SBF2: variants seen among roughly 807,000 people sequenced by gnomAD.
The protein encoded by SBF2 is SET binding factor 2, also known as myotubularin-related protein 13.
In SBF2, 112 loss-of-function variants were observed where a neutral mutation model predicts 225.2. The ratio of observed to expected loss-of-function variants is 0.50; its 90% CI spans 0.43 to 0.58. The LOEUF (loss-of-function observed/expected upper bound fraction) is 0.58. Among genes scored for constraint, SBF2 ranks in the 20% least tolerant of loss-of-function variants. The pLI is 0.00. For missense variants in SBF2, 1,996 were observed against 2,206.2 expected, an observed-to-expected ratio of 0.90 and a Z score of 1.91; for synonymous variants, 763 against 773.3, an observed-to-expected ratio of 0.99 and a Z score of 0.22.
At chr11:10,124,418 C>G (rs57520536) in intron 2 of SBF2, among the ~76,000 whole-genome samples, 11,581 of 152,066 alleles carry the variant, frequency 0.076, 626 homozygotes, top group East Asian at 0.28. Context: ...CAAAGGTTAC[C>G]GTTTTATAAC....
chr11:9,839,427 AT>A, intron 26 of SBF2, 70 bp downstream of exon 26: 2 of 1,428,060 alleles, frequency 1.4e-6, no homozygotes, highest in East Asian at 4.6e-5. Context: ...ATGGATGCAA[AT>A]GGCCTATTAA....
chr11:9,798,825 G>C (rs1329865439), intron 32 of SBF2, among the ~76,000 whole-genome samples: 4 of 151,516 alleles, frequency 2.6e-5, no homozygotes, highest in Non-Finnish European at 5.9e-5. Flanking sequence ...GGTGGCGGGC[G>C]CCTGTAGTCC....
At chr11:9,997,920 G>C (rs955336537) in intron 9 of SBF2, among the ~76,000 whole-genome samples, 3 of 152,236 alleles carry the variant, frequency 2.0e-5, no homozygotes, top group Admixed American at 1.3e-4. Context: ...GGTTAGAGAA[G>C]AGAAGCCAAC....
chr11:9,869,616 A>G (rs947699604), intron 17 of SBF2, among the ~76,000 whole-genome samples: 2 of 152,244 alleles, frequency 1.3e-5, no homozygotes, highest in African/African-American at 4.8e-5. Context: ...GATTATCTCA[A>G]TAGATGCAGA....
intron 2 of SBF2, among the ~76,000 whole-genome samples, chr11:10,055,617 T>C (rs1008531230): frequency 6.6e-6 from 1 of 151,724 alleles, no homozygotes; most frequent in Non-Finnish European, 1.5e-5. Context: ...ATAATGTTTT[T>C]TGCAGCAACT....
At chr11:9,894,706 C>T (rs57669768) in intron 17 of SBF2, among the ~76,000 whole-genome samples, 2,377 of 151,722 alleles carry the variant, frequency 0.016, 65 homozygotes, top group African/African-American at 0.051. Flanking sequence ...ATAGGCCAGG[C>T]GCAGTAGCTC....
intron 2 of SBF2, among the ~76,000 whole-genome samples, chr11:10,135,048 A>G (rs1378871034): frequency 6.6e-6 from 1 of 152,150 alleles, no homozygotes; most frequent in Non-Finnish European, 1.5e-5. Context: ...ATTTCCACAC[A>G]TCTTCTGAAA....
chr11:9,899,348 A>AAC (rs1554946425), intron 16 of SBF2, among the ~76,000 whole-genome samples: 1 of 150,892 alleles, frequency 6.6e-6, no homozygotes, highest in East Asian at 1.9e-4. Context: ...TAAAAAAAAA[A>AAC]AAAAAACTGG....
At chr11:10,302,696 C>T (rs1272890997) in intron 1 of SBF2, 3 of 152,332 alleles carry the variant, frequency 2.0e-5, no homozygotes, top group African/African-American at 7.2e-5. Context: ...TCGCGATCCT[C>T]CTGGCAGAGC....
intron 2 of SBF2, among the ~76,000 whole-genome samples, 166 bp from the exon 3 acceptor site, chr11:10,043,147 G>A (rs1949720061): frequency 6.6e-6 from 1 of 152,152 alleles, no homozygotes; most frequent in Non-Finnish European, 1.5e-5. Flanking sequence ...TCATAATGGT[G>A]AAAACTTTCA....
chr11:9,808,986 T>C lies in SBF2; in HGVS notation c.4172A>G (p.Gln1391Arg). 3 of 1,613,934 alleles carry C rather than the reference T, an allele frequency of 1.9e-6. No homozygotes were observed. Among genetic ancestry groups the C allele is most frequent in the Non-Finnish European group, 2.5e-6 (3 of 1,179,812 alleles). The change falls in exon 31 of 40, where the codon CAG becomes CGG. Residue 1391 changes from glutamine (Q) to arginine (R), a missense_variant. Physicochemically the swap from Gln to Arg is conservative, Grantham distance 43. Transcript: ENST00000256190. The part of the protein sequence containing the change: ...EWFPQLHRIM[Q>R]LAVVVSEVLE... The stretch of plus-strand genomic sequence containing the variant: ...TACTTCTGATACAACCACAGCCAGC[T>C]GCATTATCCTGTGAAGCTAAGAGAC...
At chr11:9,995,708 C>A (rs569746758) in intron 9 of SBF2, among the ~76,000 whole-genome samples, 1 of 149,728 alleles carries the variant, frequency 6.7e-6, no homozygotes, top group Non-Finnish European at 1.5e-5. Flanking sequence ...TGGAGTGCAA[C>A]GGCGTGATCT....
At chr11:9,899,501 C>CA (rs34430569) in intron 16 of SBF2, among the ~76,000 whole-genome samples, 73,063 of 129,950 alleles carry the variant, frequency 0.56, 19,808 homozygotes, top group Non-Finnish European at 0.59. Context: ...GAGACACTGT[C>CA]AAAAAAAAAA....
In SBF2 at chr11:9,813,622, A is replaced by T. The variant is rs1590142300; in HGVS notation, c.3979-914T>A. On this transcript the variant is annotated intron_variant, in intron 29 of 39. Transcript: ENST00000256190. ...ATTACAGGCGTGAGCCACCACGCCC[A>T]GTCCTACTTCTTAAAAGTCAATAAT... 2.6e-5 allele frequency among the ~76,000 whole-genome samples: 4 copies of T among 152,096 alleles called. No homozygotes were observed. In the Middle Eastern group the frequency reaches 0.01, roughly 388 times the overall value.
Position 9,845,569 on chromosome 11 carries a change from A to G in SBF2, c.3106T>C (p.Phe1036Leu). The G allele has an allele frequency of 6.2e-7, 1 of 1,613,560 alleles. No individual in the cohort carries two copies. Residue 1036 changes from phenylalanine (F) to leucine (L), a missense_variant, in exon 24 of 40, where the codon TTT becomes CTT. Coordinates refer to ENST00000256190, the MANE Select transcript of SBF2 (RefSeq NM_030962.4). ...LPKQKEKNTS[F>L]RTFSKTIVKG... ...CAGACTTGTCTTTCTTCTTACCGAA[A>G]AGAAGTGTTCTTTTCCTTCTGTTTT...
At chr11:10,265,414 C>T (rs1591332693) in intron 1 of SBF2, among the ~76,000 whole-genome samples, 1 of 141,914 alleles carries the variant, frequency 7.0e-6, no homozygotes, top group African/African-American at 2.7e-5. Flanking sequence ...TATCCTTTGC[C>T]CACTTTTTGA....
chr11:9,860,928 C>T (rs1385023136), intron 17 of SBF2, among the ~76,000 whole-genome samples: 1 of 152,188 alleles, frequency 6.6e-6, no homozygotes, highest in African/African-American at 2.4e-5. Context: ...GTACAGGAAT[C>T]TGAGGGTGTA....
chr11:10,035,481 T>C (rs959006395), intron 3 of SBF2, among the ~76,000 whole-genome samples: 12 of 152,118 alleles, frequency 7.9e-5, no homozygotes, highest in African/African-American at 2.7e-4. Flanking sequence ...ACAGGCAACC[T>C]ACAGAATGGG....
At chr11:9,876,416 A>G (rs1458903996) in intron 17 of SBF2, among the ~76,000 whole-genome samples, 1 of 152,122 alleles carries the variant, frequency 6.6e-6, no homozygotes, top group Non-Finnish European at 1.5e-5. Flanking sequence ...CAGCGTGCCC[A>G]TATTTGTAGT....
Sources: gnomAD v4.1 joint callset for allele counts (sites outside exome capture counted in the v4.1 genomes callset) on GRCh38, gnomAD v4.1.1 for gene constraint, MANE v1.5 for transcripts, NCBI Gene and HGNC (gene_info 2026-07-23, HGNC 2026-07-21) for gene names.